The following MERTK variants were observed in gnomAD, a reference collection of about 807,000 sequenced individuals.
MERTK encodes the protein MER proto-oncogene, tyrosine kinase, also known as tyrosine-protein kinase Mer.
In MERTK, 69 loss-of-function variants were observed where a neutral mutation model predicts 99.3. That is an observed-to-expected ratio of 0.70 (90% CI 0.57 to 0.85). The LOEUF is 0.85. MERTK is among the 40% of genes least tolerant of loss of function. The pLI is 0.00. For missense variants in MERTK, 1,125 were observed against 1,249.4 expected (o/e 0.90, Z 1.50); for synonymous variants, 426 against 467.6 (o/e 0.91, Z 1.15).
chr2:111,943,708 T>C (rs1268111336), intron 2 of MERTK, among the ~76,000 whole-genome samples: 1 of 152,146 alleles, frequency 6.6e-6, no homozygotes, highest in Non-Finnish European at 1.5e-5. Flanking sequence ...TACAAAATGA[T>C]GGCTAGGGCC....
At chr2:111,977,190 C>A (rs1676271195) in intron 7 of MERTK, among the ~76,000 whole-genome samples, 1 of 152,102 alleles carries the variant, frequency 6.6e-6, no homozygotes, top group African/African-American at 2.4e-5. Flanking sequence ...AAAATCATTT[C>A]TTCTAGTGTG....
At chr2:111,901,619 C>T (rs866273318) in intron 1 of MERTK, among the ~76,000 whole-genome samples, 143 of 149,396 alleles carry the variant, frequency 9.6e-4, no homozygotes, top group African/African-American at 3.4e-3. Context: ...GCAGTGGCAC[C>T]ATCACGGCTC....
chr2:111,966,326 C>T (rs1368907022), intron 5 of MERTK, among the ~76,000 whole-genome samples: 1 of 152,056 alleles, frequency 6.6e-6, no homozygotes, highest in Non-Finnish European at 1.5e-5. Flanking sequence ...ACTGGACAAA[C>T]GCTATGAAAG....
intron 13 of MERTK, among the ~76,000 whole-genome samples, chr2:112,008,026 A>G (rs1677020029): frequency 6.6e-6 from 1 of 152,036 alleles, no homozygotes; most frequent in Non-Finnish European, 1.5e-5. Context: ...ATTTTTTGCA[A>G]TTGATGAACC....
chr2:111,938,431 CT>C (rs1684801594), intron 2 of MERTK, among the ~76,000 whole-genome samples: 1 of 152,222 alleles, frequency 6.6e-6, no homozygotes, highest in East Asian at 1.9e-4. Flanking sequence ...AATATTTGTC[CT>C]TTTTTTGTAT....
intron 15 of MERTK, among the ~76,000 whole-genome samples, chr2:112,017,123 C>T (rs1427709310): frequency 1.3e-5 from 2 of 152,180 alleles, no homozygotes; most frequent in Admixed American, 6.5e-5. Flanking sequence ...TTTGTCCCCA[C>T]CCACATCCTG....
intron 6 of MERTK, 145 bp from the exon 7 acceptor site, chr2:111,975,143 GT>G: frequency 1.3e-6 from 1 of 794,564 alleles, no homozygotes; most frequent in Non-Finnish European, 2.2e-6. Context: ...GATGCTAGCG[GT>G]AAAATGTGTG....
At chr2:111,925,518 G>T (rs899361766) in intron 1 of MERTK, among the ~76,000 whole-genome samples, 1 of 151,368 alleles carries the variant, frequency 6.6e-6, no homozygotes, top group Non-Finnish European at 1.5e-5. Flanking sequence ...GGCCAGGCTT[G>T]TCTCGAACTC....
intron 2 of MERTK, chr2:111,940,832 A>G (rs1684851796): frequency 1.1e-6 from 1 of 945,780 alleles, no homozygotes; most frequent in Non-Finnish European, 1.7e-6. Flanking sequence ...TTTAAACGAC[A>G]GTTAACATCT....
At chr2:111,938,393 C>T (rs1219761913) in intron 2 of MERTK, among the ~76,000 whole-genome samples, 1 of 152,182 alleles carries the variant, frequency 6.6e-6, no homozygotes, top group East Asian at 1.9e-4. Flanking sequence ...TTGACTACTA[C>T]AACTACCTCA....
chr2:112,026,940 A>G (rs192639123), intron 18 of MERTK, among the ~76,000 whole-genome samples: 1 of 151,838 alleles, frequency 6.6e-6, no homozygotes, highest in African/African-American at 2.4e-5. Flanking sequence ...AATTTGGGTC[A>G]TTTTTTTGTC....
intron 7 of MERTK, among the ~76,000 whole-genome samples, chr2:111,980,486 T>G (rs930441793): frequency 2.8e-5 from 4 of 142,462 alleles, no homozygotes; most frequent in Non-Finnish European, 3.0e-5. Context: ...TGGCACAATC[T>G]CGGCTCACTG....
At chr2:111,963,708 G>T (rs1685301204) in intron 4 of MERTK, among the ~76,000 whole-genome samples, 1 of 152,164 alleles carries the variant, frequency 6.6e-6, no homozygotes, top group South Asian at 2.1e-4. Flanking sequence ...GCATCTCAAG[G>T]CCGAAGAATT....
chr2:111,898,788 G>A lies in MERTK; in HGVS notation c.53G>A (p.Trp18Ter). The change falls in exon 1 of 19, where the codon TGG (tryptophan) becomes TAG (stop). Residue 18 changes from tryptophan (W) to a stop codon, truncating the protein, a stop_gained. Transcript: ENST00000295408. LOFTEE classifies it high-confidence loss of function. Reference protein sequence around the residue: ...LLLGLFLPALWRRAITEAREE... With the variant: ...LLLGLFLPAL Reference sequence around the variant, plus strand: ...CTGGGCCTCTTCCTCCCCGCGCTCTGGCGTAGAGGTGAGTGCGCCCGGCTG... The same window carrying A: ...CTGGGCCTCTTCCTCCCCGCGCTCTAGCGTAGAGGTGAGTGCGCCCGGCTG... 1 of 1,596,156 alleles carries A rather than the reference G, an allele frequency of 6.3e-7. No homozygotes were observed. Among genetic ancestry groups the A allele is most frequent in the South Asian group, 1.1e-5 (1 of 88,196 alleles).
At chr2:111,988,129 G>T (rs1676526377) in intron 8 of MERTK, among the ~76,000 whole-genome samples, 1 of 151,956 alleles carries the variant, frequency 6.6e-6, no homozygotes, top group South Asian at 2.1e-4. Context: ...AGTGTACTTG[G>T]CCCAAGACCT....
At chr2:112,022,601 T>C in intron 18 of MERTK, 1 of 813,028 alleles carries the variant, frequency 1.2e-6, no homozygotes, top group South Asian at 1.3e-5. Flanking sequence ...GTGAGCCCAC[T>C]GAGGCTCACT....
intron 18 of MERTK, among the ~76,000 whole-genome samples, chr2:112,023,329 G>A (rs1677396333): frequency 6.6e-6 from 1 of 152,128 alleles, no homozygotes; most frequent in Non-Finnish European, 1.5e-5. Flanking sequence ...CAGGAGAATG[G>A]CGTGAACCCG....
intron 7 of MERTK, among the ~76,000 whole-genome samples, chr2:111,977,393 A>G (rs972626113): frequency 5.9e-4 from 90 of 152,114 alleles, no homozygotes; most frequent in African/African-American, 2.1e-3. Flanking sequence ...TTGCTCCCCT[A>G]TCTTCTCGCT....
intron 15 of MERTK, among the ~76,000 whole-genome samples, chr2:112,012,935 G>A (rs949372797): frequency 6.6e-6 from 1 of 152,140 alleles, no homozygotes; most frequent in African/African-American, 2.4e-5. Flanking sequence ...CCAATTTAGG[G>A]TCAGCACATG....
Sources: gnomAD v4.1 joint callset for allele counts (sites outside exome capture counted in the v4.1 genomes callset) on GRCh38, gnomAD v4.1.1 for gene constraint, MANE v1.5 for transcripts, NCBI Gene and HGNC (gene_info 2026-07-23, HGNC 2026-07-21) for gene names.